RASGRP3: variants seen among roughly 807,000 people sequenced by gnomAD.
The protein encoded by RASGRP3 is RAS guanyl releasing protein 3, also known as ras guanyl-releasing protein 3.
Under a neutral mutation model 82.7 loss-of-function variants are expected in RASGRP3, and 54 were observed. The observed-to-expected ratio is 0.65, with a 90% CI of 0.52 to 0.82. RASGRP3 has a LOEUF of 0.82. Among genes scored for constraint, RASGRP3 ranks in the 40% least tolerant of loss-of-function variants. The pLI is 0.00. For synonymous variants in RASGRP3, 309 were observed against 300.5 expected (o/e 1.03, Z -0.29); for missense variants, 861 against 828.9 (o/e 1.04, Z -0.48).
chr2:33,502,485 C>A (rs1261591044), intron 1 of RASGRP3, among the ~76,000 whole-genome samples: 2 of 147,950 alleles, frequency 1.4e-5, no homozygotes, highest in Non-Finnish European at 3.0e-5. Context: ...TTAACTGTCT[C>A]TTTCTTTTTT....
chr2:33,463,325 A>C (rs1012141671), intron 2 of RASGRP3, among the ~76,000 whole-genome samples: 1 of 152,242 alleles, frequency 6.6e-6, no homozygotes, highest in Non-Finnish European at 1.5e-5. Context: ...AGGTAAATTC[A>C]AGTGAATTAT....
chr2:33,460,810 C>A (rs1216987300), intron 2 of RASGRP3, among the ~76,000 whole-genome samples: 1 of 152,126 alleles, frequency 6.6e-6, no homozygotes, highest in Non-Finnish European at 1.5e-5. Context: ...CCACCGCACC[C>A]AGCCAGATTT....
At chr2:33,444,337 C>G (rs1310425337) in intron 1 of RASGRP3, among the ~76,000 whole-genome samples, 1 of 152,080 alleles carries the variant, frequency 6.6e-6, no homozygotes, top group South Asian at 2.1e-4. Context: ...GTTGATTTAA[C>G]CAAATATATC....
intron 17 of RASGRP3, among the ~76,000 whole-genome samples, chr2:33,559,386 G>A (rs1339957655): frequency 6.6e-6 from 1 of 152,108 alleles, no homozygotes; most frequent in Non-Finnish European, 1.5e-5. Flanking sequence ...TAGAACCAGG[G>A]CCCAGACTCA....
chr2:33,456,735 A>T (rs1666059475), intron 2 of RASGRP3, among the ~76,000 whole-genome samples: 1 of 152,174 alleles, frequency 6.6e-6, no homozygotes, highest in Non-Finnish European at 1.5e-5. Flanking sequence ...CATTTTTCTA[A>T]AAATAATTAA....
At chr2:33,558,506 CT>C (rs1676268713) in intron 16 of RASGRP3, among the ~76,000 whole-genome samples, 165 bp from the exon 17 acceptor site, 1 of 152,192 alleles carries the variant, frequency 6.6e-6, no homozygotes, top group South Asian at 2.1e-4. Context: ...CTTCTCTCTG[CT>C]TTCTAGTCTC....
At chr2:33,547,072 A>AG (rs1170374887) in intron 13 of RASGRP3, among the ~76,000 whole-genome samples, 2 of 148,548 alleles carry the variant, frequency 1.3e-5, no homozygotes, top group Non-Finnish European at 3.0e-5. Context: ...AAAAAAAAAA[A>AG]AAGAGAGAGA....
At chr2:33,539,803 A>G (rs1018713859) in intron 12 of RASGRP3, 2 of 152,264 alleles carry the variant, frequency 1.3e-5, no homozygotes, top group African/African-American at 4.8e-5. Context: ...GATCGAGACC[A>G]CGGTGAAACC....
At chr2:33,441,317 TA>T (rs113567165) in intron 1 of RASGRP3, among the ~76,000 whole-genome samples, 1 of 152,192 alleles carries the variant, frequency 6.6e-6, no homozygotes, top group African/African-American at 2.4e-5. Context: ...TTTTAGGGTT[TA>T]AAAAATATTC....
chr2:33,478,851 G>C (rs1667617140), intron 1 of RASGRP3, among the ~76,000 whole-genome samples: 1 of 152,152 alleles, frequency 6.6e-6, no homozygotes, highest in African/African-American at 2.4e-5. Context: ...CACTTACTCT[G>C]CCAAATGATG....
intron 17 of RASGRP3, 26 bp downstream of exon 17, chr2:33,559,056 A>C: frequency 2.0e-6 from 3 of 1,537,154 alleles, no homozygotes; most frequent in Non-Finnish European, 2.6e-6. Flanking sequence ...ACCCACAAAG[A>C]AAACCAGAAG....
At chr2:33,550,180 GA>G (rs1675225960) in intron 14 of RASGRP3, among the ~76,000 whole-genome samples, 1 of 152,106 alleles carries the variant, frequency 6.6e-6, no homozygotes, top group Non-Finnish European at 1.5e-5. Context: ...CAAAAAGGAA[GA>G]AAAAATCTTT....
intron 7 of RASGRP3, among the ~76,000 whole-genome samples, chr2:33,522,679 T>C (rs1393751334): frequency 1.3e-5 from 2 of 152,170 alleles, no homozygotes; most frequent in Admixed American, 6.5e-5. Context: ...CTGCTCTCTC[T>C]CCTCCCGTTA....
At chr2:33,438,491 G>A (rs1178913982) in intron 1 of RASGRP3, among the ~76,000 whole-genome samples, 2 of 151,716 alleles carry the variant, frequency 1.3e-5, no homozygotes, top group African/African-American at 4.8e-5. Context: ...GAACCCAGGA[G>A]GTGGAGGTTG....
At chr2:33,541,504 G>T (rs954110139) in intron 12 of RASGRP3, among the ~76,000 whole-genome samples, 2 of 146,822 alleles carry the variant, frequency 1.4e-5, no homozygotes, top group East Asian at 3.8e-4. Flanking sequence ...GGCTATTTAC[G>T]TCACTAACTT....
rs1666810710 is a variant in RASGRP3 at position 33,467,992 on chromosome 2, CTTTCT to C, written c.-261+20052_-261+20056del. Among the ~76,000 whole-genome samples, 5 of 53,410 alleles carry C rather than the reference CTTTCT, an allele frequency of 9.4e-5. No homozygotes were observed. The East Asian group carries it at 1.7e-3, about 19-fold the overall frequency. 35.0% of individuals were successfully genotyped at this position (53,410 alleles called of 152,430 possible). Reference sequence around the variant, plus strand: ...GGATGGTGAGGCTTTTTCTTTCTTTCTTTCTTTCTTTCTTTCTTTCTTTCTTTCTT... The same window carrying C: ...GGATGGTGAGGCTTTTTCTTTCTTTCTTCTTTCTTTCTTTCTTTCTTTCTT... On this transcript the variant is annotated intron_variant, in intron 2 of 18. Transcript: ENST00000402538.
At chr2:33,497,914 A>T (rs751743379) in intron 1 of RASGRP3, among the ~76,000 whole-genome samples, 1 of 152,164 alleles carries the variant, frequency 6.6e-6, no homozygotes, top group African/African-American at 2.4e-5. Context: ...AAGAAATGGG[A>T]TTTAAACTAG....
At chr2:33,489,213 G>A (rs897996272) in intron 1 of RASGRP3, among the ~76,000 whole-genome samples, 4 of 152,162 alleles carry the variant, frequency 2.6e-5, no homozygotes, top group East Asian at 3.8e-4. Context: ...TAGTACCAAG[G>A]TTGAGAAATC....
At chr2:33,442,615 A>G (rs1260058904) in intron 1 of RASGRP3, among the ~76,000 whole-genome samples, 1 of 152,206 alleles carries the variant, frequency 6.6e-6, no homozygotes, top group African/African-American at 2.4e-5. Flanking sequence ...ATCCATTGTA[A>G]TGGAAAAGAT....
Sources: gnomAD v4.1 joint callset for allele counts (sites outside exome capture counted in the v4.1 genomes callset) on GRCh38, gnomAD v4.1.1 for gene constraint, MANE v1.5 for transcripts, NCBI Gene and HGNC (gene_info 2026-07-23, HGNC 2026-07-21) for gene names.